Variants in OR2A14 observed in about 807,000 individuals in gnomAD.
The protein encoded by OR2A14 is olfactory receptor 2A14.
OR2A14 carries 2 observed loss-of-function variants against 2.4 expected under a neutral mutation model. That is an observed-to-expected ratio of 0.85 (90% CI 0.35 to 2.67). OR2A14 has a LOEUF of 2.67. OR2A14 is among the 30% of genes most tolerant of loss of function. The pLI is 0.10. For missense variants in OR2A14, 390 were observed against 379.4 expected, an observed-to-expected ratio of 1.03 and a Z score of -0.23; for synonymous variants, 160 against 156.3, an observed-to-expected ratio of 1.02 and a Z score of -0.18.
At chr7:144,123,719 C>T (rs1563052196) in intron 1 of OR2A14, among the ~76,000 whole-genome samples, 1 of 152,162 alleles carries the variant, frequency 6.6e-6, no homozygotes, top group African/African-American at 2.4e-5. Flanking sequence ...CTCCTTGCCC[C>T]TCTGCTAACT....
Position 144,129,469 on chromosome 7 carries a change from T to C in OR2A14, c.357T>C (p.Tyr119=). 3 of 1,614,040 alleles carry C rather than the reference T, an allele frequency of 1.9e-6. No homozygotes were observed. The highest frequency in any genetic ancestry group is 2.5e-6 in the Non-Finnish European group (3 of 1,179,884). ...VECLILVVMS[Y]DRYADICHPL... is the part of the protein sequence containing the mutation. ...GTCTGATTTTGGTGGTGATGTCCTA[T>C]GATCGCTATGCGGACATCTGCCACC... The change falls in exon 2 of 2, where the codon TAT becomes TAC. Residue 119 remains tyrosine (Y), a synonymous_variant. Coordinates refer to ENST00000641068, the MANE Select transcript of OR2A14 (RefSeq NM_001001659.3).
At position 144,129,759 on chromosome 7, in the gene OR2A14, C is replaced by G. The variant is rs747144225; in HGVS notation, c.647C>G (p.Ser216Cys). 2 of 1,613,900 alleles carry G rather than the reference C, an allele frequency of 1.2e-6. No homozygotes were observed. The highest frequency in any genetic ancestry group is 4.5e-5 in the East Asian group (2 of 44,894). The change falls in exon 2 of 2, where the codon TCC (serine) becomes TGC (cysteine). Residue 216 changes from serine (S) to cysteine (C), a missense_variant. Transcript: ENST00000641068. The stretch of plus-strand genomic sequence containing the variant: ...GGGCCACTCTGCCTGGTGCTGGTCT[C>G]CTACTTGCGCATCCTGGCCGCCATC... ...LVGPLCLVLV[S>C]YLRILAAILR... is the part of the protein sequence containing the mutation.
At chr7:144,128,200 C>T (rs1045977122) in intron 1 of OR2A14, among the ~76,000 whole-genome samples, 5 of 152,104 alleles carry the variant, frequency 3.3e-5, no homozygotes, top group Non-Finnish European at 7.4e-5. Context: ...AGAAAAGAGT[C>T]CAATAAAATA....
intron 1 of OR2A14, among the ~76,000 whole-genome samples, chr7:144,127,237 A>T (rs1034693680): frequency 3.8e-4 from 58 of 152,338 alleles, no homozygotes; most frequent in African/African-American, 1.2e-3. Context: ...GGATATACAA[A>T]ATACAAATAT....
At position 144,129,752 on chromosome 7, in the gene OR2A14, C is replaced by T. The variant is rs377024099; in HGVS notation, c.640C>T (p.Leu214=). 9.3e-6 allele frequency: 15 copies of T among 1,613,908 alleles called. No homozygotes were observed. The African/African-American group carries it at 1.6e-4, about 17-fold the overall frequency. Reference sequence around the variant, plus strand: ...CCTGGTGGGGCCACTCTGCCTGGTGCTGGTCTCCTACTTGCGCATCCTGGC... The same window carrying T: ...CCTGGTGGGGCCACTCTGCCTGGTGTTGGTCTCCTACTTGCGCATCCTGGC... ...FILVGPLCLV[L]VSYLRILAAI... Residue 214 remains leucine, a synonymous_variant, in exon 2 of 2, where the codon CTG becomes TTG. Transcript: ENST00000641068.
At chr7:144,127,783 G>T (rs1209560093) in intron 1 of OR2A14, among the ~76,000 whole-genome samples, 2 of 152,144 alleles carry the variant, frequency 1.3e-5, no homozygotes, top group African/African-American at 2.4e-5. Flanking sequence ...CCTTTAGCCT[G>T]ATTTGAAAAT....
intron 1 of OR2A14, among the ~76,000 whole-genome samples, chr7:144,124,391 G>A (rs1271349259): frequency 2.7e-5 from 4 of 148,744 alleles, no homozygotes; most frequent in Non-Finnish European, 4.5e-5. Flanking sequence ...GAACCTGGGA[G>A]GCGGAGGTTG....
At position 144,129,442 on chromosome 7, in the gene OR2A14, G is replaced by T. The variant is rs1279844099; in HGVS notation, c.330G>T (p.Glu110Asp). Residue 110 changes from glutamate to aspartate, a missense_variant, in exon 2 of 2, where the codon GAG becomes GAT. Coordinates refer to ENST00000641068, the MANE Select transcript of OR2A14 (RefSeq NM_001001659.3). ...TFLYLAFAHV[E>D]CLILVVMSYD... ...TGTATTTGGCTTTTGCTCACGTAGA[G>T]TGTCTGATTTTGGTGGTGATGTCCT... is the stretch of plus-strand genomic sequence containing the variant. 4 of 1,614,008 alleles carry T rather than the reference G, an allele frequency of 2.5e-6. No individual in the cohort carries two copies. Among genetic ancestry groups the T allele is most frequent in the Non-Finnish European group, 3.4e-6 (4 of 1,179,970 alleles).
chr7:144,126,919 T>C (rs1262385220), intron 1 of OR2A14, among the ~76,000 whole-genome samples: 2 of 151,974 alleles, frequency 1.3e-5, no homozygotes, highest in African/African-American at 2.4e-5. Flanking sequence ...CCCAAGCAGA[T>C]AGAAATGCAT....
chr7:144,123,622 G>T (rs901251453), intron 1 of OR2A14, among the ~76,000 whole-genome samples: 1 of 152,144 alleles, frequency 6.6e-6, no homozygotes, highest in Non-Finnish European at 1.5e-5. Context: ...GGGGCTATGC[G>T]GCTCAGGTGA....
intron 1 of OR2A14, among the ~76,000 whole-genome samples, chr7:144,124,517 A>T (rs1312781714): frequency 3.3e-5 from 5 of 151,844 alleles, no homozygotes; most frequent in African/African-American, 4.8e-5. Context: ...TCAGTGTCAA[A>T]GTATATTATT....
At chr7:144,126,271 T>C (rs1016749226) in intron 1 of OR2A14, among the ~76,000 whole-genome samples, 15 of 152,194 alleles carry the variant, frequency 9.9e-5, no homozygotes, top group African/African-American at 3.1e-4. Flanking sequence ...CAAAAGTATA[T>C]CAGCTAAACT....
chr7:144,129,151 G>T lies in OR2A14; in HGVS notation c.39G>T (p.Leu13Phe), dbSNP rs761303074. 5.0e-6 allele frequency: 8 copies of T among 1,612,226 alleles called. No individual in the cohort carries two copies. Among genetic ancestry groups the T allele is most frequent in the Non-Finnish European group, 6.8e-6 (8 of 1,179,962 alleles). The change falls in exon 2 of 2, where the codon TTG becomes TTT. Residue 13 changes from leucine to phenylalanine, a missense_variant. Physicochemically the swap from Leu to Phe is conservative, Grantham distance 22 (BLOSUM62 0). Transcript: ENST00000641068. Reference sequence around the variant, plus strand: ...AGACATGGATCACAGACATCACCTTGCCGCGATTCCAGGTTGGTCCAGCAC... The same window carrying T: ...AGACATGGATCACAGACATCACCTTTCCGCGATTCCAGGTTGGTCCAGCAC... ...GNKTWITDIT[L>F]PRFQVGPALE... is the part of the protein sequence containing the mutation.
chr7:144,125,185 C>T (rs1586914930), intron 1 of OR2A14, among the ~76,000 whole-genome samples: 1 of 152,334 alleles, frequency 6.6e-6, no homozygotes, highest in African/African-American at 2.4e-5. Context: ...ATGTTCATTG[C>T]TCAGAATCAA....
chr7:144,129,402 T>C lies in OR2A14; in HGVS notation c.290T>C (p.Ile97Thr), dbSNP rs1194723042. The change falls in exon 2 of 2, where the codon ATA (isoleucine) becomes ACA (threonine). Residue 97 changes from isoleucine to threonine, a missense_variant. Transcript: ENST00000641068. ...QESTISFFPC[I>T]MQTFLYLAFA... The stretch of plus-strand genomic sequence containing the variant: ...AGCACCATCTCCTTTTTTCCATGCA[T>C]AATGCAGACATTCTTGTATTTGGCT... 1.9e-6 allele frequency: 3 copies of C among 1,614,114 alleles called. No homozygotes were observed. The highest frequency in any genetic ancestry group is 1.1e-5 in the South Asian group (1 of 91,088).
intron 1 of OR2A14, among the ~76,000 whole-genome samples, chr7:144,124,519 T>C (rs2051468376): frequency 6.8e-6 from 1 of 148,016 alleles, no homozygotes; most frequent in African/African-American, 2.5e-5. Context: ...AGTGTCAAAG[T>C]ATATTATTGG....
rs2051517477 is a variant in OR2A14 at position 144,129,860 on chromosome 7, T to C, written c.748T>C (p.Phe250Leu). ...CTCCCACCTTTGCGTGGTGGGACTC[T>C]TCTTTGGCAGCGCCATTGTCACGTA... ...CSSHLCVVGL[F>L]FGSAIVTYMA... The change falls in exon 2 of 2, where the codon TTC (phenylalanine) becomes CTC (leucine). Residue 250 changes from phenylalanine to leucine, a missense_variant. Coordinates refer to ENST00000641068, the MANE Select transcript of OR2A14 (RefSeq NM_001001659.3). 1 of 1,614,122 alleles carries C rather than the reference T, an allele frequency of 6.2e-7. No homozygotes were observed. The highest frequency in any genetic ancestry group is 8.5e-7 in the Non-Finnish European group (1 of 1,180,040).
At position 144,124,626 on chromosome 7, in the gene OR2A14, C is replaced by T. The variant is rs543798551; in HGVS notation, c.-35+1362C>T. ...AGGCCCCAGGGCTCCCATTCTAAGA[C>T]AATTTTCAATAGAAACTTTTCTTTT... On this transcript the variant is annotated intron_variant, in intron 1 of 1. Transcript: ENST00000641068. 3.1e-4 allele frequency among the ~76,000 whole-genome samples: 47 copies of T among 152,258 alleles called. No homozygotes were observed. The South Asian group carries it at 8.5e-3, about 28-fold the overall frequency.
intron 1 of OR2A14, among the ~76,000 whole-genome samples, chr7:144,124,570 A>T (rs2051468844): frequency 6.6e-6 from 1 of 152,134 alleles, no homozygotes; most frequent in South Asian, 2.1e-4. Context: ...AGATTTGACA[A>T]ATCAGTGCTG....
Sources: gnomAD v4.1 joint callset for allele counts (sites outside exome capture counted in the v4.1 genomes callset) on GRCh38, gnomAD v4.1.1 for gene constraint, MANE v1.5 for transcripts, NCBI Gene and HGNC (gene_info 2026-07-23, HGNC 2026-07-21) for gene names.